The following FUT8 variants were observed in gnomAD, a reference collection of about 807,000 sequenced individuals.
FUT8 encodes the protein alpha-(1,6)-fucosyltransferase.
Under a neutral mutation model 71.3 loss-of-function variants are expected in FUT8, and 29 were observed. The observed-to-expected ratio is 0.41, with a 90% CI of 0.30 to 0.55. The LOEUF is 0.55. FUT8 is among the 20% of genes least tolerant of loss of function. The pLI, the probability that FUT8 is intolerant of heterozygous loss-of-function variation, is 0.34. For missense variants in FUT8, 544 were observed against 702.1 expected, an observed-to-expected ratio of 0.77 and a Z score of 2.55; for synonymous variants, 254 against 239.3, an observed-to-expected ratio of 1.06 and a Z score of -0.57.
At chr14:65,625,293 T>C (rs1889840010) in intron 5 of FUT8, among the ~76,000 whole-genome samples, 1 of 152,154 alleles carries the variant, frequency 6.6e-6, no homozygotes, top group Non-Finnish European at 1.5e-5. Context: ...ATAGCCCTAT[T>C]ATAGTTAAAG....
At chr14:65,441,413 G>T (rs1223167405) in intron 1 of FUT8, among the ~76,000 whole-genome samples, 1 of 152,142 alleles carries the variant, frequency 6.6e-6, no homozygotes, top group Non-Finnish European at 1.5e-5. Flanking sequence ...TTCACAGTGA[G>T]ATTTGTTTAG....
At chr14:65,544,152 T>C (rs1884851264) in intron 2 of FUT8, among the ~76,000 whole-genome samples, 1 of 152,140 alleles carries the variant, frequency 6.6e-6, no homozygotes, top group Non-Finnish European at 1.5e-5. Context: ...GTGGAAGGAA[T>C]AGCAAGAACA....
intron 6 of FUT8, among the ~76,000 whole-genome samples, chr14:65,647,945 G>A (rs1891191415): frequency 6.6e-6 from 1 of 151,930 alleles, no homozygotes. Flanking sequence ...AGACCTTGGG[G>A]TTTTGCTTAG....
intron 3 of FUT8, among the ~76,000 whole-genome samples, chr14:65,598,153 G>A (rs1888092055): frequency 6.6e-6 from 1 of 152,190 alleles, no homozygotes; most frequent in Admixed American, 6.5e-5. Flanking sequence ...GCAACGGAAA[G>A]AGACCCTGTC....
intron 7 of FUT8, among the ~76,000 whole-genome samples, chr14:65,693,531 G>A (rs1242852059): frequency 6.6e-6 from 1 of 152,158 alleles, no homozygotes; most frequent in Non-Finnish European, 1.5e-5. Flanking sequence ...GAGACCGTGG[G>A]GAGAGGGAGA....
chr14:65,687,746 A>G (rs1039005713), intron 7 of FUT8, among the ~76,000 whole-genome samples: 1 of 151,484 alleles, frequency 6.6e-6, no homozygotes, highest in Non-Finnish European at 1.5e-5. Flanking sequence ...ATTCTCCCCA[A>G]CCTTTTTAAG....
intron 3 of FUT8, among the ~76,000 whole-genome samples, chr14:65,571,886 A>G (rs1020908763): frequency 2.0e-5 from 3 of 152,134 alleles, no homozygotes; most frequent in African/African-American, 7.2e-5. Flanking sequence ...GTGTACTGAA[A>G]AGTATAACCC....
chr14:65,487,216 G>A (rs966632761), intron 2 of FUT8, among the ~76,000 whole-genome samples: 23 of 152,148 alleles, frequency 1.5e-4, no homozygotes, highest in Admixed American at 1.4e-3. Flanking sequence ...AGCTCTCAGA[G>A]GAGGGGAGAA....
At chr14:65,495,200 C>T (rs2066540848) in intron 2 of FUT8, among the ~76,000 whole-genome samples, 14 of 148,434 alleles carry the variant, frequency 9.4e-5, no homozygotes, top group Admixed American at 8.7e-4. Flanking sequence ...AAAAAAAAAC[C>T]CAGTAAATTA....
At chr14:65,596,698 C>T (rs1336931323) in intron 3 of FUT8, among the ~76,000 whole-genome samples, 1 of 152,116 alleles carries the variant, frequency 6.6e-6, no homozygotes, top group Non-Finnish European at 1.5e-5. Flanking sequence ...AGAATATCAA[C>T]TACAGAATTC....
chr14:65,572,322 A>G (rs2140084395), intron 3 of FUT8, among the ~76,000 whole-genome samples: 1 of 152,324 alleles, frequency 6.6e-6, no homozygotes, highest in South Asian at 2.1e-4. Context: ...ATCAGGTCAC[A>G]TTCTAAGCTT....
chr14:65,697,623 A>G (rs960202554), intron 7 of FUT8, among the ~76,000 whole-genome samples: 2 of 152,216 alleles, frequency 1.3e-5, no homozygotes, highest in African/African-American at 4.8e-5. Flanking sequence ...AATGATAGTA[A>G]TCATCACAAA....
chr14:65,364,758 T>C, the FUT8 span, among the ~76,000 whole-genome samples: 1 of 152,192 alleles, frequency 6.6e-6, no homozygotes, highest in African/African-American at 2.4e-5. Context: ...CCTGAAATCT[T>C]GCCAAGATAG....
the FUT8 span, among the ~76,000 whole-genome samples, chr14:65,371,017 C>A: frequency 1.3e-5 from 2 of 152,162 alleles, no homozygotes; most frequent in African/African-American, 4.8e-5. Flanking sequence ...TAATGTTTGT[C>A]ATGTAGATTT....
At chr14:65,611,182 CAT>C (rs1362895686) in intron 3 of FUT8, among the ~76,000 whole-genome samples, 3 of 102,064 alleles carry the variant, frequency 2.9e-5, no homozygotes, top group African/African-American at 9.8e-5. Context: ...TTTTAAGTGT[CAT>C]ACACACACAC....
At chr14:65,408,225 A>C (rs1227159765), upstream of FUT8, among the ~76,000 whole-genome samples, 1 of 152,120 alleles carries the variant, frequency 6.6e-6, no homozygotes, top group Non-Finnish European at 1.5e-5. Context: ...GGCTTTACCG[A>C]TACTTTCAAG....
Position 65,721,491 on chromosome 14 carries a change from C to T in FUT8, c.836-284C>T, listed in dbSNP as rs10129472. Among the ~76,000 whole-genome samples, 9,441 of 152,136 alleles carry T rather than the reference C, an allele frequency of 0.062. 526 individuals carry two copies. The highest frequency in any genetic ancestry group is 0.14 in the African/African-American group (5,991 of 41,498). On this transcript the variant is annotated intron_variant, in intron 7 of 10. Coordinates refer to ENST00000673929, the MANE Select transcript of FUT8 (RefSeq NM_001371533.1). ...TCTACTGTCATTCTTTGATTAGATA[C>T]TTTGAGTTCTGCATACCATGAGGTG...
chr14:65,655,189 C>T (rs1277808114), intron 6 of FUT8, among the ~76,000 whole-genome samples: 1 of 151,730 alleles, frequency 6.6e-6, no homozygotes, highest in African/African-American at 2.4e-5. Flanking sequence ...GATAGAATGA[C>T]TGGGCTGGGC....
intron 7 of FUT8, among the ~76,000 whole-genome samples, chr14:65,685,067 T>C (rs900947260): frequency 6.6e-6 from 1 of 152,214 alleles, no homozygotes; most frequent in African/African-American, 2.4e-5. Flanking sequence ...TTAAAGGCCA[T>C]TGCTGTCTCC....
Sources: gnomAD v4.1 joint callset for allele counts (sites outside exome capture counted in the v4.1 genomes callset) on GRCh38, gnomAD v4.1.1 for gene constraint, MANE v1.5 for transcripts, NCBI Gene and HGNC (gene_info 2026-07-23, HGNC 2026-07-21) for gene names.